Variants in CAMTA1 observed in about 807,000 individuals in gnomAD.
The protein encoded by CAMTA1 is calmodulin-binding transcription activator 1.
In CAMTA1, 27 loss-of-function variants were observed where a neutral mutation model predicts 170.9. The observed-to-expected ratio is 0.16, with a 90% CI of 0.12 to 0.22. CAMTA1 has a LOEUF of 0.22. Ranked by LOEUF, CAMTA1 falls within the 10% of genes least tolerant of loss-of-function variation. The probability of loss-of-function intolerance (pLI) is 1.00; values close to 1 mark genes in which losing one functional copy is unlikely to be tolerated. For missense variants in CAMTA1, 1,619 were observed against 2,217.2 expected (o/e 0.73, Z 5.42); for synonymous variants, 833 against 891.5 (o/e 0.93, Z 1.17).
intron 4 of CAMTA1, among the ~76,000 whole-genome samples, chr1:7,207,194 G>A (rs1657896016): frequency 6.6e-6 from 1 of 152,102 alleles, no homozygotes; most frequent in Non-Finnish European, 1.5e-5. Context: ...CACTTTACTA[G>A]GCTCTGAACA....
intron 3 of CAMTA1, among the ~76,000 whole-genome samples, chr1:6,982,953 T>C (rs1467785346): frequency 1.3e-5 from 2 of 151,914 alleles, no homozygotes; most frequent in African/African-American, 4.8e-5. Flanking sequence ...GTGAGTAGGG[T>C]GGAGGGAGGA....
chr1:7,556,328 C>G (rs995751118), intron 6 of CAMTA1, among the ~76,000 whole-genome samples: 1 of 152,108 alleles, frequency 6.6e-6, no homozygotes, highest in Non-Finnish European at 1.5e-5. Context: ...TTTGCTATCT[C>G]TAGGAATTGA....
At chr1:6,812,086 G>A (rs1221224776) in intron 1 of CAMTA1, among the ~76,000 whole-genome samples, 1 of 152,188 alleles carries the variant, frequency 6.6e-6, no homozygotes, top group Non-Finnish European at 1.5e-5. Context: ...TAACCTGCTC[G>A]GTGTTCCTCA....
chr1:7,448,343 G>T (rs1289926368), intron 5 of CAMTA1, among the ~76,000 whole-genome samples: 1 of 152,208 alleles, frequency 6.6e-6, no homozygotes, highest in Non-Finnish European at 1.5e-5. Flanking sequence ...GTTTCCTTGG[G>T]TCTGGAATGT....
chr1:7,313,235 C>T (rs1310283949), intron 5 of CAMTA1, among the ~76,000 whole-genome samples: 1 of 152,212 alleles, frequency 6.6e-6, no homozygotes, highest in East Asian at 1.9e-4. Context: ...AAATCAGCAG[C>T]TGCAGAGACA....
At chr1:7,750,052 A>T (rs1459704521) in intron 19 of CAMTA1, among the ~76,000 whole-genome samples, 2 of 152,170 alleles carry the variant, frequency 1.3e-5, no homozygotes, top group Non-Finnish European at 2.9e-5. Flanking sequence ...CCCTGTGGCC[A>T]CTAAGTAAAT....
rs1491484591 is a variant in CAMTA1 at position 7,510,014 on chromosome 1, A to AAC, written c.510+42114_510+42115insCA. ...CTGCAAAAACAAACAAACAAACAAC[A>AAC]AAAAAAAAAAACACTGTCCTCCGAG... On this transcript the variant is annotated intron_variant, in intron 6 of 22. Coordinates refer to ENST00000303635, the MANE Select transcript of CAMTA1 (RefSeq NM_015215.4). 9.0e-3 allele frequency among the ~76,000 whole-genome samples: 795 copies of AAC among 88,802 alleles called. 45 individuals are homozygous for AAC. Among genetic ancestry groups the AAC allele is most frequent in the African/African-American group, 0.04 (756 of 18,804 alleles). 58.3% of individuals were successfully genotyped at this position (88,802 alleles called of 152,430 possible).
At chr1:6,941,018 C>T (rs72638547) in intron 3 of CAMTA1, among the ~76,000 whole-genome samples, 33,847 of 105,814 alleles carry the variant, frequency 0.32, 3,982 homozygotes, top group Middle Eastern at 0.36. Flanking sequence ...GGTGTGTCCT[C>T]AGGTAGGAGG....
chr1:6,888,825 C>CTT (rs574850841), intron 3 of CAMTA1, among the ~76,000 whole-genome samples: 4 of 143,238 alleles, frequency 2.8e-5, no homozygotes, highest in Admixed American at 2.1e-4. Context: ...TTTTTTCTTT[C>CTT]TTTTTTTTTT....
At chr1:7,137,048 G>T (rs563782858) in intron 4 of CAMTA1, among the ~76,000 whole-genome samples, 1 of 152,242 alleles carries the variant, frequency 6.6e-6, no homozygotes, top group African/African-American at 2.4e-5. Flanking sequence ...TGAACAAGCT[G>T]TTGATTCATC....
intron 4 of CAMTA1, among the ~76,000 whole-genome samples, chr1:7,177,733 A>G (rs1409257029): frequency 2.0e-5 from 3 of 146,786 alleles, no homozygotes; most frequent in Non-Finnish European, 4.5e-5. Context: ...TTACCCTCCC[A>G]CATACTGAGG....
At chr1:7,193,831 A>G (rs894543702) in intron 4 of CAMTA1, among the ~76,000 whole-genome samples, 1 of 152,226 alleles carries the variant, frequency 6.6e-6, no homozygotes, top group South Asian at 2.1e-4. Flanking sequence ...TTAGGTGTTC[A>G]GGTGGATTTT....
chr1:7,143,694 A>G (rs763420667), intron 4 of CAMTA1, among the ~76,000 whole-genome samples: 1 of 152,320 alleles, frequency 6.6e-6, no homozygotes, highest in Admixed American at 6.5e-5. Context: ...ACTCAGCTAT[A>G]TAGCAAACAC....
At chr1:7,449,990 T>C (rs1055082889) in intron 5 of CAMTA1, among the ~76,000 whole-genome samples, 1 of 151,972 alleles carries the variant, frequency 6.6e-6, no homozygotes, top group African/African-American at 2.4e-5. Context: ...GGGTTTGAAT[T>C]CTGGCACTGC....
chr1:7,612,088 TAA>T (rs2095527888), intron 6 of CAMTA1, among the ~76,000 whole-genome samples: 1 of 152,220 alleles, frequency 6.6e-6, no homozygotes, highest in African/African-American at 2.4e-5. Context: ...CACGGACAGC[TAA>T]GTGTTAAACC....
At chr1:7,147,145 G>A (rs1338173846) in intron 4 of CAMTA1, among the ~76,000 whole-genome samples, 1 of 151,208 alleles carries the variant, frequency 6.6e-6, no homozygotes, top group Non-Finnish European at 1.5e-5. Flanking sequence ...ACACAGCCAG[G>A]CATGATGGCT....
chr1:7,516,571 G>A (rs574478990), intron 6 of CAMTA1, among the ~76,000 whole-genome samples: 1 of 152,282 alleles, frequency 6.6e-6, no homozygotes, highest in East Asian at 1.9e-4. Flanking sequence ...GCTCCTTGAG[G>A]TTCCTTCCTG....
chr1:7,624,611 G>C (rs1011966922), intron 6 of CAMTA1, among the ~76,000 whole-genome samples: 1 of 152,354 alleles, frequency 6.6e-6, no homozygotes, highest in Non-Finnish European at 1.5e-5. Context: ...ACAGCCCCCA[G>C]CACAGGGGCT....
chr1:7,252,829 A>G (rs895923412), intron 5 of CAMTA1, among the ~76,000 whole-genome samples: 7 of 152,176 alleles, frequency 4.6e-5, no homozygotes, highest in Non-Finnish European at 1.0e-4. Context: ...ATCACTTGCT[A>G]TAAGCCTTCC....
Sources: allele counts gnomAD v4.1 joint callset (sites outside exome capture counted in the v4.1 genomes callset), GRCh38; gene constraint gnomAD v4.1.1; transcripts MANE v1.5; gene names NCBI Gene and HGNC (gene_info 2026-07-23, HGNC 2026-07-21).